Variants in KIAA1671 observed in about 807,000 individuals in gnomAD.
KIAA1671 encodes the protein uncharacterized protein KIAA1671.
A neutral mutation model predicts 131.2 loss-of-function variants in KIAA1671; 52 were observed. The ratio of observed to expected loss-of-function variants is 0.40; its 90% CI spans 0.32 to 0.50. KIAA1671 has a LOEUF of 0.50. Ranked by LOEUF, KIAA1671 falls within the 20% of genes least tolerant of loss-of-function variation. The pLI is 0.73. For missense variants in KIAA1671, 2,360 were observed against 2,364.2 expected (o/e 1.00, Z 0.04); for synonymous variants, 1,003 against 961.6 (o/e 1.04, Z -0.80).
At chr22:24,977,487 CAT>C (rs1188271544) in intron 1 of KIAA1671, among the ~76,000 whole-genome samples, 1 of 152,206 alleles carries the variant, frequency 6.6e-6, no homozygotes, top group Non-Finnish European at 1.5e-5. Flanking sequence ...GGTCTGGCCT[CAT>C]AGAGCCTGTG....
At chr22:24,993,219 C>T (rs1381597189) in intron 1 of KIAA1671, among the ~76,000 whole-genome samples, 1 of 152,130 alleles carries the variant, frequency 6.6e-6, no homozygotes, top group Admixed American at 6.6e-5. Flanking sequence ...TAACTCCACC[C>T]TCTCCCACTC....
At chr22:25,119,806 G>C (rs1000458776) in intron 6 of KIAA1671, among the ~76,000 whole-genome samples, 1 of 152,192 alleles carries the variant, frequency 6.6e-6, no homozygotes, top group Non-Finnish European at 1.5e-5. Flanking sequence ...AGGCAGGTTC[G>C]TGCCTGGTGT....
intron 6 of KIAA1671, among the ~76,000 whole-genome samples, chr22:25,130,756 A>G (rs1339950493): frequency 6.6e-6 from 1 of 152,136 alleles, no homozygotes; most frequent in Non-Finnish European, 1.5e-5. Context: ...CTCTGGGTGG[A>G]GAGCTCCTCT....
chr22:25,038,324 A>G (rs1353250912), intron 4 of KIAA1671, among the ~76,000 whole-genome samples: 1 of 152,178 alleles, frequency 6.6e-6, no homozygotes, highest in Non-Finnish European at 1.5e-5. Context: ...TTCTGTGGTA[A>G]CAAATGCCTG....
chr22:25,028,044 C>T lies in KIAA1671; in HGVS notation c.45C>T (p.Ala15=), dbSNP rs1323479560. ...TGGGCTCCATAACGCCCTTGACGGC[C>T]GTGCCAGGCCTGGGTGAGATGGGCA... ...VEVGSITPLT[A]VPGLGEMGKE... is the part of the protein sequence containing the mutation. The change falls in exon 3 of 13, where the codon GCC becomes GCT. Residue 15 remains alanine (A), a synonymous_variant. Coordinates refer to ENST00000358431, the MANE Select transcript of KIAA1671 (RefSeq NM_001145206.2). 15 of 1,534,666 alleles carry T rather than the reference C, an allele frequency of 9.8e-6. No individual in the cohort carries two copies. Among genetic ancestry groups the T allele is most frequent in the East Asian group, 4.9e-5 (2 of 40,684 alleles).
At chr22:25,043,326 G>T (rs1927050078) in intron 5 of KIAA1671, among the ~76,000 whole-genome samples, 2 of 152,164 alleles carry the variant, frequency 1.3e-5, no homozygotes, top group Non-Finnish European at 2.9e-5. Flanking sequence ...ATACCTGAGT[G>T]TTGGGCAGAG....
At position 25,037,647 on chromosome 22, in the gene KIAA1671, C is replaced by T. The variant is rs1032329290; in HGVS notation, c.1630-1113C>T. On this transcript the variant is annotated intron_variant, in intron 4 of 12. Transcript: ENST00000358431. ...ACCTCAAATGGAAACCTTGTGTCCT[C>T]GTCTCCCATTCCCAGGCATCCAGTA... 1.8e-4 allele frequency among the ~76,000 whole-genome samples: 27 copies of T among 152,050 alleles called. 1 individual carries two copies. The South Asian group carries it at 1.9e-3, about 11-fold the overall frequency.
At chr22:25,191,358 G>T (rs1320259384) in intron 12 of KIAA1671, among the ~76,000 whole-genome samples, 1 of 152,016 alleles carries the variant, frequency 6.6e-6, no homozygotes, top group Non-Finnish European at 1.5e-5. Context: ...GTTTCACCAT[G>T]TTGGACAGGC....
intron 6 of KIAA1671, among the ~76,000 whole-genome samples, chr22:25,143,679 C>T (rs532318589): frequency 7.7e-4 from 117 of 152,292 alleles, no homozygotes; most frequent in Non-Finnish European, 1.4e-3. Flanking sequence ...TCCTCTGCCC[C>T]ATTTTCCCTG....
intron 6 of KIAA1671, among the ~76,000 whole-genome samples, chr22:25,108,732 A>T (rs568307206): frequency 2.6e-5 from 4 of 152,124 alleles, no homozygotes; most frequent in African/African-American, 7.2e-5. Flanking sequence ...CAGTTTTCTC[A>T]TGGACCAGTT....
At chr22:25,086,426 T>C (rs1236184526) in intron 6 of KIAA1671, among the ~76,000 whole-genome samples, 1 of 152,210 alleles carries the variant, frequency 6.6e-6, no homozygotes, top group Non-Finnish European at 1.5e-5. Context: ...TGTGTTGAGC[T>C]GAACGCAGGA....
At chr22:25,188,686 G>A (rs2146049506) in intron 11 of KIAA1671, among the ~76,000 whole-genome samples, 1 of 152,214 alleles carries the variant, frequency 6.6e-6, no homozygotes, top group Middle Eastern at 3.4e-3. Flanking sequence ...AATAAAGTAA[G>A]CTAGAGGAAA....
chr22:25,144,995 C>T (rs5996837), intron 6 of KIAA1671, among the ~76,000 whole-genome samples: 72,696 of 152,074 alleles, frequency 0.48, 18,547 homozygotes, highest in African/African-American at 0.67. Context: ...CTTTTGCTCT[C>T]AGAGTCCTTG....
intron 10 of KIAA1671, among the ~76,000 whole-genome samples, chr22:25,183,883 A>C (rs1025411172): frequency 6.6e-6 from 1 of 151,880 alleles, no homozygotes. Flanking sequence ...TCTTGCCACA[A>C]AGCAAATGAT....
intron 6 of KIAA1671, among the ~76,000 whole-genome samples, chr22:25,119,439 C>T (rs941727748): frequency 1.3e-5 from 2 of 152,190 alleles, no homozygotes; most frequent in Non-Finnish European, 2.9e-5. Flanking sequence ...ATAAAAACCA[C>T]TCATTCATTC....
At chr22:25,140,114 G>A (rs533713919) in intron 6 of KIAA1671, among the ~76,000 whole-genome samples, 97 of 152,364 alleles carry the variant, frequency 6.4e-4, no homozygotes, top group Middle Eastern at 3.4e-3. Flanking sequence ...GCTGCAATCC[G>A]GGTGTTGGCT....
intron 6 of KIAA1671, among the ~76,000 whole-genome samples, chr22:25,099,803 G>A (rs1160482660): frequency 2.6e-5 from 4 of 152,084 alleles, no homozygotes; most frequent in South Asian, 2.1e-4. Context: ...GTGAGCCACC[G>A]CACCTGGCCA....
intron 1 of KIAA1671, among the ~76,000 whole-genome samples, chr22:24,964,550 T>A (rs1922193812): frequency 6.6e-6 from 1 of 152,018 alleles, no homozygotes; most frequent in Admixed American, 6.6e-5. Flanking sequence ...GCCTTCTGAG[T>A]AGCTGGGACC....
At chr22:25,113,812 G>A (rs1216867469) in intron 6 of KIAA1671, among the ~76,000 whole-genome samples, 1 of 152,224 alleles carries the variant, frequency 6.6e-6, no homozygotes, top group Non-Finnish European at 1.5e-5. Context: ...GGTGTGACTT[G>A]CCACAGGGAA....
Sources: gnomAD v4.1 joint callset for allele counts (sites outside exome capture counted in the v4.1 genomes callset) on GRCh38, gnomAD v4.1.1 for gene constraint, MANE v1.5 for transcripts, NCBI Gene and HGNC (gene_info 2026-07-23, HGNC 2026-07-21) for gene names.